Variants in RBFOX1 observed in about 807,000 individuals in gnomAD.
The protein encoded by RBFOX1 is RNA binding protein fox-1 homolog 1.
RBFOX1 carries 8 observed loss-of-function variants against 57.7 expected under a neutral mutation model. That is an observed-to-expected ratio of 0.14 (90% CI 0.08 to 0.25). RBFOX1 has a LOEUF of 0.25. RBFOX1 is among the 10% of genes least tolerant of loss of function. The pLI is 1.00. For synonymous variants in RBFOX1, 326 were observed against 222.4 expected, an observed-to-expected ratio of 1.47 and a Z score of -4.15; for missense variants, 611 against 548.5, an observed-to-expected ratio of 1.11 and a Z score of -1.14.
chr16:5,508,820 G>T (rs543345978), intron 2 of RBFOX1, among the ~76,000 whole-genome samples: 3 of 152,348 alleles, frequency 2.0e-5, no homozygotes, highest in African/African-American at 7.2e-5. Flanking sequence ...GTCGAGAGCT[G>T]ACATTGCCTC....
intron 1 of RBFOX1, among the ~76,000 whole-genome samples, chr16:5,425,547 G>A (rs2067533368): frequency 6.6e-6 from 1 of 152,150 alleles, no homozygotes. Flanking sequence ...TTGGGCCATC[G>A]TGCAAAATCA....
intron 3 of RBFOX1, among the ~76,000 whole-genome samples, chr16:5,681,612 C>G (rs890378041): frequency 4.6e-5 from 7 of 151,774 alleles, no homozygotes; most frequent in Non-Finnish European, 7.4e-5. Flanking sequence ...AGGCTGGACT[C>G]GAACTCCCGA....
rs112474851 is a variant in RBFOX1, at chr16:7,184,345, G to T, written c.27+132247G>T. Among the ~76,000 whole-genome samples the T allele has an allele frequency of 1.7e-3, 257 of 152,292 alleles. 1 individual carries two copies. Among genetic ancestry groups the T allele is most frequent in the African/African-American group, 5.9e-3 (246 of 41,570 alleles). On this transcript the variant is annotated intron_variant, in intron 4 of 15. Coordinates refer to ENST00000550418, the MANE Select transcript of RBFOX1 (RefSeq NM_018723.4). Reference sequence around the variant, plus strand: ...TGACAGTGTACTCTGTTCCTTAGCTGAAGAGAGAAAAAAACAGATGCAAGT... The same window carrying T: ...TGACAGTGTACTCTGTTCCTTAGCTTAAGAGAGAAAAAAACAGATGCAAGT...
intron 2 of RBFOX1, among the ~76,000 whole-genome samples, chr16:6,569,351 T>G (rs934176589): frequency 2.0e-5 from 3 of 152,188 alleles, no homozygotes; most frequent in Non-Finnish European, 4.4e-5. Context: ...CATGGAGTTG[T>G]GAGGATTCAG....
At chr16:6,706,494 G>A (rs988705102) in intron 3 of RBFOX1, among the ~76,000 whole-genome samples, 15 of 152,186 alleles carry the variant, frequency 9.9e-5, no homozygotes, top group African/African-American at 3.6e-4. Flanking sequence ...TGGTAATGAG[G>A]CAGGATCACT....
chr16:7,645,443 G>T (rs914770916), intron 11 of RBFOX1, among the ~76,000 whole-genome samples: 1 of 152,144 alleles, frequency 6.6e-6, no homozygotes, highest in Non-Finnish European at 1.5e-5. Flanking sequence ...CACGCAGCCA[G>T]GAAGAAACAC....
At chr16:6,705,492 C>A (rs892827795) in intron 3 of RBFOX1, 1 of 152,194 alleles carries the variant, frequency 6.6e-6, no homozygotes, top group Non-Finnish European at 1.5e-5. Context: ...CTGGAAGCCA[C>A]AACCCCCCAG....
chr16:6,542,569 A>G (rs1046902934), intron 2 of RBFOX1, among the ~76,000 whole-genome samples: 7 of 133,950 alleles, frequency 5.2e-5, no homozygotes, highest in African/African-American at 2.0e-4. Context: ...GGCTCACTGC[A>G]AGCTCCGCCT....
chr16:6,214,462 G>A (rs568719470), intron 1 of RBFOX1, among the ~76,000 whole-genome samples: 3 of 144,444 alleles, frequency 2.1e-5, no homozygotes, highest in South Asian at 2.3e-4. Flanking sequence ...GAGGGAGAGC[G>A]ACAGGGAGAA....
chr16:6,091,738 G>C (rs1388020568), intron 1 of RBFOX1, among the ~76,000 whole-genome samples: 1 of 152,122 alleles, frequency 6.6e-6, no homozygotes, highest in African/African-American at 2.4e-5. Flanking sequence ...ACCGAGGCTG[G>C]GAGAATTGCT....
In RBFOX1 at chr16:7,711,651, C is replaced by G. The variant is rs2148641657; in HGVS notation, c.*906C>G. 1 of 151,752 alleles carries G rather than the reference C, an allele frequency of 6.6e-6. No homozygotes were observed. Among genetic ancestry groups the G allele is most frequent in the East Asian group, 1.9e-4 (1 of 5,154 alleles). 9.4% of individuals were successfully genotyped at this position (151,752 alleles called of 1,614,324 possible). ...GTAATAAAAACTTAAATTCTTTGTA[C>G]CAGTTAAAAAAAATGTATAAAATTT... On this transcript the variant is annotated 3_prime_UTR_variant, in exon 16 of 16. Transcript: ENST00000550418.
At chr16:6,043,767 T>A (rs1433352372) in intron 1 of RBFOX1, among the ~76,000 whole-genome samples, 4 of 152,160 alleles carry the variant, frequency 2.6e-5, no homozygotes. Flanking sequence ...CCTTTGATTG[T>A]CAGCTGAGTT....
intron 2 of RBFOX1, among the ~76,000 whole-genome samples, chr16:6,578,598 C>CGA (rs1555570884): frequency 9.0e-6 from 1 of 110,666 alleles, no homozygotes. Flanking sequence ...GGTGTGTGTG[C>CGA]GTGTGTGTGT....
intron 2 of RBFOX1, among the ~76,000 whole-genome samples, chr16:6,431,825 C>A (rs1001439701): frequency 6.6e-6 from 1 of 151,968 alleles, no homozygotes; most frequent in African/African-American, 2.4e-5. Context: ...TAACACTGGT[C>A]ATTTACAGAG....
At chr16:6,836,494 C>T (rs2093106954) in intron 3 of RBFOX1, among the ~76,000 whole-genome samples, 1 of 152,210 alleles carries the variant, frequency 6.6e-6, no homozygotes, top group Non-Finnish European at 1.5e-5. Flanking sequence ...TGTATCACTT[C>T]AAACCTTCCT....
In RBFOX1 at chr16:7,641,598, A is replaced by G. The variant is rs566253559; in HGVS notation, c.757+10915A>G. Among the ~76,000 whole-genome samples, 5 of 152,342 alleles carry G rather than the reference A, an allele frequency of 3.3e-5. No homozygotes were observed. The South Asian group carries it at 1.0e-3, about 32-fold the overall frequency. On this transcript the variant is annotated intron_variant, in intron 11 of 15. Coordinates refer to ENST00000550418, the MANE Select transcript of RBFOX1 (RefSeq NM_018723.4). ...AAGGCACAACCATCTATGGGTATTTATTATCCCTACCCTTACTATTTGCTA... is the reference window on the plus strand; with the variant it reads ...AAGGCACAACCATCTATGGGTATTTGTTATCCCTACCCTTACTATTTGCTA...
chr16:7,703,891 G>A (rs947062995), intron 14 of RBFOX1, among the ~76,000 whole-genome samples: 50 of 152,182 alleles, frequency 3.3e-4, no homozygotes, highest in Non-Finnish European at 6.6e-4. Context: ...GATTATATTA[G>A]AATGGAATTT....
chr16:7,251,824 G>A (rs993205925), intron 4 of RBFOX1, among the ~76,000 whole-genome samples: 2 of 152,126 alleles, frequency 1.3e-5, no homozygotes, highest in Non-Finnish European at 2.9e-5. Context: ...TCAAAATACT[G>A]ATTTCGTTTC....
At chr16:6,873,333 A>C (rs1345472282) in intron 3 of RBFOX1, among the ~76,000 whole-genome samples, 2 of 152,206 alleles carry the variant, frequency 1.3e-5, no homozygotes, top group Non-Finnish European at 2.9e-5. Context: ...GGGGAAAAAG[A>C]GTGCAAAATC....
Sources: allele counts gnomAD v4.1 joint callset (sites outside exome capture counted in the v4.1 genomes callset), GRCh38; gene constraint gnomAD v4.1.1; transcripts MANE v1.5; gene names NCBI Gene and HGNC (gene_info 2026-07-23, HGNC 2026-07-21).